Variants in G3BP2 observed in about 807,000 individuals in gnomAD.
G3BP2 encodes G3BP stress granule assembly factor 2, also known as ras GTPase-activating protein-binding protein 2.
Under a neutral mutation model 56.7 loss-of-function variants are expected in G3BP2, and 11 were observed. The ratio of observed to expected loss-of-function variants is 0.19; its 90% CI spans 0.12 to 0.32. The LOEUF is 0.32. G3BP2 is among the 10% of genes least tolerant of loss of function. G3BP2 has a pLI of 1.00. For missense variants in G3BP2, 340 were observed against 610.9 expected (o/e 0.56, Z 4.67); for synonymous variants, 165 against 191.6 (o/e 0.86, Z 1.15).
At chr4:75,646,874 A>T (rs1438013922) in intron 10 of G3BP2, 155 bp downstream of exon 10, 1 of 554,562 alleles carries the variant, frequency 1.8e-6, no homozygotes, top group Non-Finnish European at 3.1e-6. Context: ...GAGATAAGTC[A>T]TCTACTCCCT....
At chr4:75,653,123 C>T (rs1414711696) in intron 8 of G3BP2, among the ~76,000 whole-genome samples, 1 of 150,928 alleles carries the variant, frequency 6.6e-6, no homozygotes, top group African/African-American at 2.4e-5. Flanking sequence ...AAAAGTATCA[C>T]GGGCGTATTC....
In G3BP2 at chr4:75,655,195, C is replaced by CTCAGGT; in HGVS notation, c.591_596dup (p.Pro200_Glu201dup). The CTCAGGT allele has an allele frequency of 6.2e-7, 1 of 1,613,750 alleles. No individual in the cohort carries two copies. Among genetic ancestry groups the CTCAGGT allele is most frequent in the Non-Finnish European group, 8.5e-7 (1 of 1,179,696 alleles). On this transcript the variant is annotated inframe_insertion, in exon 7 of 12. Coordinates refer to ENST00000359707, the MANE Select transcript of G3BP2 (RefSeq NM_203505.3). ...CTTCAGTCTTTGTTTCAGATTCTGGCTCAGGTTCAGGTTCATGAGAGGATT... is the reference window on the plus strand; with the variant it reads ...CTTCAGTCTTTGTTTCAGATTCTGGCTCAGGTTCAGGTTCAGGTTCATGAGAGGATT...
At position 75,667,112 on chromosome 4, in the gene G3BP2, C is replaced by G. The variant is rs181370486; in HGVS notation, c.-24-5063G>C. ...GACCAGCCCAGGCAACATGGCAAAA[C>G]CCCGTCTCTACTAAAAAATACAAAA... On this transcript the variant is annotated intron_variant, in intron 1 of 11. Transcript: ENST00000359707. Among the ~76,000 whole-genome samples the G allele has an allele frequency of 3.8e-3, 576 of 152,074 alleles. 7 individuals carry two copies. The highest frequency in any genetic ancestry group is 0.013 in the African/African-American group (553 of 41,480).
chr4:75,671,300 CTT>C (rs1274220718), intron 1 of G3BP2, among the ~76,000 whole-genome samples: 4 of 152,124 alleles, frequency 2.6e-5, no homozygotes, highest in Non-Finnish European at 1.5e-5. Context: ...TGTGGAAAGT[CTT>C]TTTAAAGCAA....
intron 3 of G3BP2, among the ~76,000 whole-genome samples, chr4:75,715,511 A>AAC (rs902372968): frequency 6.6e-6 from 1 of 152,170 alleles, no homozygotes; most frequent in Non-Finnish European, 1.5e-5. Flanking sequence ...AAGCTCTCTG[A>AAC]ACACAGTGGC....
At chr4:75,680,094 G>A (rs905175946) in intron 3 of G3BP2, among the ~76,000 whole-genome samples, 1 of 152,168 alleles carries the variant, frequency 6.6e-6, no homozygotes, top group Non-Finnish European at 1.5e-5. Flanking sequence ...GACGCCACAA[G>A]GTTATCCAAT....
At chr4:75,716,573 T>C (rs752436572) in intron 3 of G3BP2, among the ~76,000 whole-genome samples, 1 of 152,094 alleles carries the variant, frequency 6.6e-6, no homozygotes, top group African/African-American at 2.4e-5. Flanking sequence ...TGGAGTGCAG[T>C]GGCGCGATCT....
At chr4:75,660,056 A>G (rs1732427369) in intron 2 of G3BP2, among the ~76,000 whole-genome samples, 1 of 152,230 alleles carries the variant, frequency 6.6e-6, no homozygotes, top group Admixed American at 6.5e-5. Flanking sequence ...CCACAAGTGG[A>G]AAATTATAAC....
At position 75,645,130 on chromosome 4, in the gene G3BP2, A is replaced by C; in HGVS notation, c.*300T>G. The C allele has an allele frequency of 3.2e-6, 1 of 311,884 alleles. No homozygotes were observed. The highest frequency in any genetic ancestry group is 5.8e-6 in the Non-Finnish European group (1 of 171,590). The allele number at this position is 311,884 out of a possible 1,614,324, so 19.3% of individuals were successfully genotyped here. On this transcript the variant is annotated 3_prime_UTR_variant, in exon 12 of 12. Coordinates refer to ENST00000359707, the MANE Select transcript of G3BP2 (RefSeq NM_203505.3). Reference sequence around the variant, plus strand: ...CAGCAGAAGATTTTTTTTTTACTCAAAGGACCTGAATTCAGTGGGCATGTC... The same window carrying C: ...CAGCAGAAGATTTTTTTTTTACTCACAGGACCTGAATTCAGTGGGCATGTC...
At chr4:75,695,947 CTG>C (rs1172565504) in intron 3 of G3BP2, among the ~76,000 whole-genome samples, 1 of 141,890 alleles carries the variant, frequency 7.0e-6, no homozygotes, top group Non-Finnish European at 1.5e-5. Flanking sequence ...TCACTCCAGA[CTG>C]GGCCACAAGA....
chr4:75,696,065 A>C (rs1489305708), intron 3 of G3BP2, among the ~76,000 whole-genome samples: 5 of 152,116 alleles, frequency 3.3e-5, no homozygotes, highest in Non-Finnish European at 7.4e-5. Flanking sequence ...GAAGAAAATA[A>C]ATTTAAAGAA....
chr4:75,694,543 G>C (rs2149086097), intron 3 of G3BP2, among the ~76,000 whole-genome samples: 1 of 152,356 alleles, frequency 6.6e-6, no homozygotes, highest in East Asian at 1.9e-4. Context: ...GGCGGAGCTT[G>C]CACTGAGCCG....
At chr4:75,665,634 C>A (rs1465034835) in intron 1 of G3BP2, among the ~76,000 whole-genome samples, 1 of 49,024 alleles carries the variant, frequency 2.0e-5, no homozygotes, top group African/African-American at 5.4e-5. Context: ...CAAACACACA[C>A]ACACACACAA....
At chr4:75,688,133 T>C (rs142572117) in intron 3 of G3BP2, among the ~76,000 whole-genome samples, 1 of 152,142 alleles carries the variant, frequency 6.6e-6, no homozygotes, top group East Asian at 1.9e-4. Flanking sequence ...TGGCTTATGG[T>C]CTCTTCTTTG....
intron 3 of G3BP2, 48 bp from the exon 4 acceptor site, chr4:75,657,778 A>G (rs767190984): frequency 8.7e-7 from 1 of 1,143,580 alleles, no homozygotes. Context: ...ATACTGCATT[A>G]CCTACACAAT....
At chr4:75,717,942 C>A (rs1430271102) in intron 3 of G3BP2, among the ~76,000 whole-genome samples, 1 of 151,884 alleles carries the variant, frequency 6.6e-6, no homozygotes, top group African/African-American at 2.4e-5. Flanking sequence ...AGATCAAGAC[C>A]ATCCTGGCCA....
chr4:75,667,830 A>T (rs570887557), intron 1 of G3BP2, among the ~76,000 whole-genome samples: 5 of 152,312 alleles, frequency 3.3e-5, no homozygotes, highest in African/African-American at 9.6e-5. Flanking sequence ...CAAAGGTTGC[A>T]GTAAGCTGAG....
chr4:75,719,054 A>G (rs1463729895), intron 3 of G3BP2, among the ~76,000 whole-genome samples: 2 of 152,178 alleles, frequency 1.3e-5, no homozygotes, highest in Non-Finnish European at 2.9e-5. Context: ...TTAAACGTTC[A>G]GTTGTTAAGA....
rs538843693 is a variant in G3BP2 at position 75,694,520 on chromosome 4, C to T, written c.-25+26357G>A. 3.3e-5 allele frequency among the ~76,000 whole-genome samples: 5 copies of T among 152,228 alleles called. No homozygotes were observed. The South Asian group carries it at 6.2e-4, about 19-fold the overall frequency. On this transcript the variant is annotated intron_variant, in intron 3 of 3. Coordinates refer to the G3BP2 transcript ENST00000499709. ...GCGGAAAGCTGAGGCAGGAGAATGG[C>T]GCGAACCCGGTAGGCGGAGCTTGCA...
Sources: gnomAD v4.1 joint callset for allele counts (sites outside exome capture counted in the v4.1 genomes callset) on GRCh38, gnomAD v4.1.1 for gene constraint, MANE v1.5 for transcripts, NCBI Gene and HGNC (gene_info 2026-07-23, HGNC 2026-07-21) for gene names.